The following FARP1 variants were observed in gnomAD, a reference collection of about 807,000 sequenced individuals.
FARP1 encodes FERM, ARHGEF and pleckstrin domain-containing protein 1.
FARP1 carries 52 observed loss-of-function variants against 128.8 expected under a neutral mutation model. The ratio of observed to expected loss-of-function variants is 0.40; its 90% CI spans 0.32 to 0.51. The LOEUF (loss-of-function observed/expected upper bound fraction) is 0.51, where lower values mean the gene tolerates loss of function less well. Among genes scored for constraint, FARP1 ranks in the 20% least tolerant of loss-of-function variants. The probability of loss-of-function intolerance (pLI) is 0.45; values close to 1 mark genes in which losing one functional copy is unlikely to be tolerated. For synonymous variants in FARP1, 580 were observed against 551.8 expected, an observed-to-expected ratio of 1.05 and a Z score of -0.72; for missense variants, 1,333 against 1,367.9, an observed-to-expected ratio of 0.97 and a Z score of 0.40.
intron 19 of FARP1, chr13:98,436,036 A>T (rs780570661): frequency 2.1e-5 from 6 of 287,156 alleles, no homozygotes; most frequent in South Asian, 1.5e-4. Context: ...ATGGAAAATT[A>T]AAAAAAAAAT....
chr13:98,438,728 CG>C, intron 19 of FARP1, 75 bp from the exon 20 acceptor site: 1 of 1,202,868 alleles, frequency 8.3e-7, no homozygotes, highest in Non-Finnish European at 1.2e-6. Context: ...ATTTAGCCCT[CG>C]GGGTCTGCAC....
intron 1 of FARP1, among the ~76,000 whole-genome samples, chr13:98,185,021 G>C (rs996719088): frequency 6.6e-6 from 1 of 152,158 alleles, no homozygotes; most frequent in Non-Finnish European, 1.5e-5. Context: ...ATTGCACACA[G>C]AGTTAGGAAA....
At chr13:98,200,632 C>A (rs747933161) in intron 1 of FARP1, among the ~76,000 whole-genome samples, 2 of 152,090 alleles carry the variant, frequency 1.3e-5, no homozygotes, top group Non-Finnish European at 2.9e-5. Context: ...CTAGCACTTA[C>A]GCAAGAAAAG....
chr13:98,228,724 C>A (rs1056277577), intron 2 of FARP1, among the ~76,000 whole-genome samples: 8 of 152,044 alleles, frequency 5.3e-5, no homozygotes, highest in African/African-American at 1.7e-4. Context: ...GTTCATTGAT[C>A]CACTTACGGG....
intron 1 of FARP1, among the ~76,000 whole-genome samples, chr13:98,209,365 G>A (rs538020258): frequency 6.6e-6 from 1 of 151,754 alleles, no homozygotes; most frequent in East Asian, 1.9e-4. Flanking sequence ...AGAGGGCAAA[G>A]TGCTGAGCCA....
chr13:98,290,649 T>C lies in FARP1; in HGVS notation c.172-53113T>C, dbSNP rs144130707. 6.6e-3 allele frequency among the ~76,000 whole-genome samples: 999 copies of C among 152,236 alleles called. 8 individuals carry two copies. The highest frequency in any genetic ancestry group is 0.021 in the South Asian group (103 of 4,816). Reference sequence around the variant, plus strand: ...CTTGCAAAAGGACCACATTGGCTGCTGAGTTGGGACAGTAGTGGCCAGGAG... The same window carrying C: ...CTTGCAAAAGGACCACATTGGCTGCCGAGTTGGGACAGTAGTGGCCAGGAG... On this transcript the variant is annotated intron_variant, in intron 2 of 26. Transcript: ENST00000319562.
intron 1 of FARP1, among the ~76,000 whole-genome samples, chr13:98,188,707 C>G (rs1879041251): frequency 6.6e-6 from 1 of 152,184 alleles, no homozygotes; most frequent in South Asian, 2.1e-4. Context: ...CACTATGGCT[C>G]TAAGGGAGGT....
chr13:98,207,638 AG>A (rs1452226505), intron 1 of FARP1, among the ~76,000 whole-genome samples: 1 of 131,420 alleles, frequency 7.6e-6, no homozygotes, highest in Non-Finnish European at 1.6e-5. Flanking sequence ...TACCGTGCAC[AG>A]GGCCTGTCCC....
chr13:98,393,222 T>C (rs1205466673), intron 11 of FARP1, among the ~76,000 whole-genome samples: 1 of 152,238 alleles, frequency 6.6e-6, no homozygotes, highest in Non-Finnish European at 1.5e-5. Context: ...GCCTCTGTTA[T>C]AGAACTGATC....
Position 98,176,543 on chromosome 13 carries a change from CTTCAAGCTCCCG to C in FARP1, c.-24+33057_-24+33068del. ...TCCTCGCAGATACAGTAGCGACCCTCTTCAAGCTCCCGTTCAATCTCCCACCCGAGCTTGTAA... is the reference window on the plus strand; with the variant it reads ...TCCTCGCAGATACAGTAGCGACCCTCTTCAATCTCCCACCCGAGCTTGTAA... On this transcript the variant is annotated intron_variant, in intron 1 of 26. Coordinates refer to ENST00000319562, the MANE Select transcript of FARP1 (RefSeq NM_005766.4). This position sits in a 1 kb window ranked among gnomAD's most constrained non-coding sequence, Gnocchi z 6.2. The C allele has an allele frequency of 6.2e-7, 1 of 1,614,248 alleles. No homozygotes were observed. The highest frequency in any genetic ancestry group is 8.5e-7 in the Non-Finnish European group (1 of 1,180,050).
chr13:98,229,836 G>A (rs1882014021), intron 2 of FARP1, among the ~76,000 whole-genome samples: 1 of 152,110 alleles, frequency 6.6e-6, no homozygotes. Flanking sequence ...AAGCCATGGG[G>A]CTTGCAGTAT....
chr13:98,152,448 G>A (rs896173278), intron 1 of FARP1, among the ~76,000 whole-genome samples: 2 of 152,172 alleles, frequency 1.3e-5, no homozygotes, highest in Admixed American at 6.5e-5. Context: ...TAGATGTGAT[G>A]CCTGGAATCA....
intron 2 of FARP1, among the ~76,000 whole-genome samples, chr13:98,306,134 C>G (rs920842155): frequency 6.6e-6 from 1 of 152,078 alleles, no homozygotes; most frequent in African/African-American, 2.4e-5. Context: ...GCAACGTTTG[C>G]GCTTTATGCA....
intron 2 of FARP1, among the ~76,000 whole-genome samples, chr13:98,266,926 A>G (rs376364382): frequency 2.0e-4 from 30 of 148,168 alleles, no homozygotes; most frequent in African/African-American, 7.5e-4. Context: ...AGGCAGGAAA[A>G]TCTCTTGAAC....
intron 18 of FARP1, 65 bp downstream of exon 18, chr13:98,431,345 T>C: frequency 8.4e-7 from 1 of 1,186,358 alleles, no homozygotes; most frequent in African/African-American, 1.5e-5. Flanking sequence ...GCTCCCAGAC[T>C]GAGCCCAGCC....
chr13:98,359,871 G>A (rs922722553), intron 3 of FARP1, among the ~76,000 whole-genome samples: 5 of 152,180 alleles, frequency 3.3e-5, no homozygotes, highest in Admixed American at 3.3e-4. Context: ...TGTTCCAAAC[G>A]GGGAAGGTAG....
At chr13:98,444,008 CG>C (rs1892661408) in intron 24 of FARP1, among the ~76,000 whole-genome samples, 1 of 151,576 alleles carries the variant, frequency 6.6e-6, no homozygotes, top group Admixed American at 6.6e-5. Context: ...TGCGGGAAGC[CG>C]GAAGTCCAAA....
At chr13:98,164,752 T>C (rs1027121055) in intron 1 of FARP1, among the ~76,000 whole-genome samples, 1 of 152,174 alleles carries the variant, frequency 6.6e-6, no homozygotes, top group African/African-American at 2.4e-5. Context: ...AATAGAGCCA[T>C]GGTCTGGCAG....
chr13:98,287,144 G>A (rs1042814718), intron 2 of FARP1, among the ~76,000 whole-genome samples: 3 of 128,760 alleles, frequency 2.3e-5, no homozygotes, highest in Non-Finnish European at 3.3e-5. Flanking sequence ...AAATATTTTT[G>A]TTTTCTCTGC....
Sources: gnomAD v4.1 joint callset for allele counts (sites outside exome capture counted in the v4.1 genomes callset) on GRCh38, gnomAD v4.1.1 for gene constraint, Gnocchi (gnomAD v3.1) non-coding constraint, MANE v1.5 for transcripts, NCBI Gene and HGNC (gene_info 2026-07-23, HGNC 2026-07-21) for gene names.